CREM: variants seen among roughly 807,000 people sequenced by gnomAD.
CREM encodes cAMP-responsive element modulator.
Under a neutral mutation model 37.3 loss-of-function variants are expected in CREM, and 13 were observed. The observed-to-expected ratio is 0.35, with a 90% CI of 0.23 to 0.55. The LOEUF is 0.55. CREM is among the 20% of genes least tolerant of loss of function. The pLI, the probability that CREM is intolerant of heterozygous loss-of-function variation, is 0.88. For synonymous variants in CREM, 124 were observed against 120.2 expected, an observed-to-expected ratio of 1.03 and a Z score of -0.21; for missense variants, 296 against 362.3, an observed-to-expected ratio of 0.82 and a Z score of 1.49.
Position 35,178,944 on chromosome 10 carries a change from C to T in CREM, c.224C>T (p.Ser75Phe). ...GCAGAATCAGAAGGTGTAATTGATT[C>T]TCATAAACGTAGAGAAATCCTTTCA... is the stretch of plus-strand genomic sequence containing the variant. ...ESAESEGVID[S>F]HKRREILSRR... The change falls in exon 4 of 8, where the codon TCT becomes TTT. Residue 75 changes from serine to phenylalanine, a missense_variant. This residue lies in a region of CREM where 257 missense variants were observed against 280.2 expected (regional missense o/e 0.92). Transcript: ENST00000685392. 1 of 1,613,566 alleles carries T rather than the reference C, an allele frequency of 6.2e-7. No homozygotes were observed.
intron 3 of CREM, among the ~76,000 whole-genome samples, chr10:35,158,804 TTTTTG>T (rs1305866089): frequency 2.8e-4 from 36 of 129,414 alleles, no homozygotes; most frequent in African/African-American, 9.7e-4. Context: ...TAGTGTTTTT[TTTTTG>T]TTGTTTTGTT....
chr10:35,178,133 A>T (rs557840718), intron 3 of CREM, among the ~76,000 whole-genome samples: 1 of 152,212 alleles, frequency 6.6e-6, no homozygotes, highest in African/African-American at 2.4e-5. Context: ...CTAGGCCCTC[A>T]AAGTATTAAT....
chr10:35,184,354 T>C (rs1390819062), intron 5 of CREM, among the ~76,000 whole-genome samples: 1 of 152,248 alleles, frequency 6.6e-6, no homozygotes, highest in Non-Finnish European at 1.5e-5. Flanking sequence ...TGTTATGCTA[T>C]CCTTGACTAT....
At chr10:35,129,927 T>TA (rs1249810840) in intron 1 of CREM, among the ~76,000 whole-genome samples, 6 of 152,230 alleles carry the variant, frequency 3.9e-5, no homozygotes, top group Non-Finnish European at 8.8e-5. Context: ...CCGGGCATGG[T>TA]GGCTCACGCC....
intron 3 of CREM, among the ~76,000 whole-genome samples, chr10:35,156,944 A>C (rs1249947959): frequency 6.6e-6 from 1 of 152,240 alleles, no homozygotes; most frequent in Admixed American, 6.5e-5. Context: ...AACAACAACA[A>C]CAAAAACTAC....
chr10:35,156,084 C>T (rs1373747173), intron 3 of CREM, among the ~76,000 whole-genome samples: 9 of 151,278 alleles, frequency 5.9e-5, no homozygotes, highest in African/African-American at 2.2e-4. Context: ...AGACTACAGG[C>T]GCCCGCCACC....
At chr10:35,147,111 C>T (rs887202687) in intron 2 of CREM, among the ~76,000 whole-genome samples, 9 of 141,684 alleles carry the variant, frequency 6.4e-5, no homozygotes, top group Admixed American at 2.3e-4. Context: ...AGTCCACTGG[C>T]GCAATCTCGG....
chr10:35,161,195 G>A (rs2093272595), intron 3 of CREM, among the ~76,000 whole-genome samples: 1 of 151,882 alleles, frequency 6.6e-6, no homozygotes, highest in Non-Finnish European at 1.5e-5. Flanking sequence ...GGTGTGTGGT[G>A]ATGTGATCTC....
intron 3 of CREM, among the ~76,000 whole-genome samples, chr10:35,149,935 CACA>C (rs1564819775): frequency 4.9e-5 from 7 of 143,734 alleles, no homozygotes; most frequent in African/African-American, 1.3e-4. Flanking sequence ...CACACACACA[CACA>C]CCCTTGTTAA....
At chr10:35,167,807 A>C in intron 3 of CREM, 1 of 1,612,748 alleles carries the variant, frequency 6.2e-7, no homozygotes, top group South Asian at 1.1e-5. Flanking sequence ...AGAAAAGGTA[A>C]ATGATGTCTG....
chr10:35,188,528 G>T (rs1277882837), intron 6 of CREM, 140 bp downstream of exon 6: 5 of 637,624 alleles, frequency 7.8e-6, no homozygotes, highest in Non-Finnish European at 9.7e-6. Flanking sequence ...GCTTACAGAA[G>T]AAATATTTTA....
rs1200290473 is a variant in CREM, at chr10:35,127,093, GGCGGCGGCGCCGCTGCTGA to G, written c.-147_-129del. ...GGCCGCTGCCGGCTCCGGGTTGCTG[GGCGGCGGCGCCGCTGCTGA>G]GCGGCGGTCGGGCTCGCCGTCTCCA... On this transcript the variant is annotated 5_prime_UTR_variant, in exon 1 of 8. Transcript: ENST00000685392. The G allele has an allele frequency of 6.5e-6, 1 of 152,772 alleles. No individual in the cohort carries two copies. Among genetic ancestry groups the G allele is most frequent in the East Asian group, 1.9e-4 (1 of 5,238 alleles). The allele number at this position is 152,772 out of a possible 1,614,324, so 9.5% of individuals were successfully genotyped here. A position where few individuals can be genotyped will look rare whatever the true frequency, so the allele number is the denominator to read the frequency against.
rs7342010 is a variant in CREM at position 35,192,238 on chromosome 10, G to C, written c.598+3850G>C. Reference sequence around the variant, plus strand: ...TTTGGGAATTGTTCCTGAAAGTTCAGCTAAACTCTTCATTCCTCACAGTGA... The same window carrying C: ...TTTGGGAATTGTTCCTGAAAGTTCACCTAAACTCTTCATTCCTCACAGTGA... On this transcript the variant is annotated intron_variant, in intron 6 of 7. Transcript: ENST00000685392. 4.5e-3 allele frequency among the ~76,000 whole-genome samples: 690 copies of C among 152,306 alleles called. 5 individuals carry two copies. The highest frequency in any genetic ancestry group is 0.016 in the African/African-American group (653 of 41,574).
chr10:35,186,634 TA>T lies in CREM; in HGVS notation c.410-1563del, dbSNP rs575291142. 6.4e-3 allele frequency among the ~76,000 whole-genome samples: 929 copies of T among 144,442 alleles called. 13 individuals are homozygous for T. Among genetic ancestry groups the T allele is most frequent in the African/African-American group, 0.023 (897 of 39,822 alleles). 94.8% of individuals were successfully genotyped at this position (144,442 alleles called of 152,430 possible). ...TTTATATATAAATATATAATATATG[TA>T]AATTATATAGTTATATATAACATAT... On this transcript the variant is annotated intron_variant, in intron 5 of 7. Coordinates refer to ENST00000685392, the MANE Select transcript of CREM (RefSeq NM_183011.2).
intron 2 of CREM, among the ~76,000 whole-genome samples, chr10:35,143,115 C>T (rs546621639): frequency 9.1e-4 from 139 of 152,210 alleles, no homozygotes; most frequent in South Asian, 1.7e-3. Flanking sequence ...GGATTACAGG[C>T]GCCTGCCACC....
chr10:35,211,611 A>C lies in CREM; in HGVS notation c.*213A>C. The C allele has an allele frequency of 6.3e-7, 1 of 1,598,900 alleles. No individual in the cohort carries two copies. Among genetic ancestry groups the C allele is most frequent in the Non-Finnish European group, 8.5e-7 (1 of 1,172,714 alleles). On this transcript the variant is annotated 3_prime_UTR_variant, in exon 8 of 8. Transcript: ENST00000685392. Reference sequence around the variant, plus strand: ...TTACTTTGATCTGTTTGTCAATAGCATGCAAAAAATGCTTTGTTTGCCCTT... The same window carrying C: ...TTACTTTGATCTGTTTGTCAATAGCCTGCAAAAAATGCTTTGTTTGCCCTT...
At chr10:35,191,329 AT>A (rs554336341) in intron 6 of CREM, among the ~76,000 whole-genome samples, 36 of 152,290 alleles carry the variant, frequency 2.4e-4, no homozygotes, top group African/African-American at 8.7e-4. Context: ...ACTTCTAATA[AT>A]TTACTGATTC....
chr10:35,186,827 C>A (rs1353891539), intron 5 of CREM, among the ~76,000 whole-genome samples: 5 of 110,574 alleles, frequency 4.5e-5, no homozygotes, highest in Admixed American at 1.2e-4. Flanking sequence ...AACATATATA[C>A]ATATATAGGT....
intron 6 of CREM, among the ~76,000 whole-genome samples, chr10:35,203,962 C>T (rs771975862): frequency 6.6e-6 from 1 of 152,132 alleles, no homozygotes; most frequent in Admixed American, 6.5e-5. Context: ...ACTTCTCATT[C>T]GTCACTGGCT....
Sources: allele counts gnomAD v4.1 joint callset (sites outside exome capture counted in the v4.1 genomes callset), GRCh38; gene constraint gnomAD v4.1.1; regional missense constraint gnomAD v4.1.1; transcripts MANE v1.5; gene names NCBI Gene and HGNC (gene_info 2026-07-23, HGNC 2026-07-21).